ACSM5: variants seen among roughly 807,000 people sequenced by gnomAD.
ACSM5 encodes acyl-coenzyme A synthetase ACSM5, mitochondrial.
A neutral mutation model predicts 71.6 loss-of-function variants in ACSM5; 56 were observed. The ratio of observed to expected loss-of-function variants is 0.78; its 90% confidence interval spans 0.63 to 0.98. The LOEUF (loss-of-function observed/expected upper bound fraction) is 0.98, where lower values mean the gene tolerates loss of function less well. ACSM5 is among the 50% of genes least tolerant of loss of function. The pLI, the probability that ACSM5 is intolerant of heterozygous loss-of-function variation, is 0.00. For missense variants in ACSM5, 723 were observed against 726.0 expected (o/e 1.00, Z 0.05); for synonymous variants, 285 against 281.5 (o/e 1.01, Z -0.12).
chr16:20,424,052 G>A lies in ACSM5; in HGVS notation c.904G>A (p.Ala302Thr). The change falls in exon 6 of 14, where the codon GCC (alanine) becomes ACC (threonine). Residue 302 changes from alanine to threonine, a missense_variant. Transcript: ENST00000331849. ...IFVHELPRVD[A>T]KVILNTLSKF... ...TGTGCATGAGCTGCCCCGAGTTGAT[G>A]CCAAAGTTATCCTGAATGTAAGAGG... 1.2e-6 allele frequency: 2 copies of A among 1,614,054 alleles called. No individual in the cohort carries two copies. Among genetic ancestry groups the A allele is most frequent in the Non-Finnish European group, 1.7e-6 (2 of 1,179,986 alleles).
rs1967315020 is a variant in ACSM5, at chr16:20,440,820, T to G, written c.*393T>G. On this transcript the variant is annotated 3_prime_UTR_variant, in exon 14 of 14. Transcript: ENST00000331849. ...AGGCTTCATCCTTTGTATGTAACCA[T>G]TTGGCAAAAGTATGCAGGAACATAA... The G allele has an allele frequency of 6.1e-6, 1 of 163,476 alleles. No homozygotes were observed. The highest frequency in any genetic ancestry group is 2.4e-5 in the African/African-American group (1 of 41,880). 10.1% of individuals were successfully genotyped at this position (163,476 alleles called of 1,614,324 possible).
chr16:20,412,687 C>T (rs975744639), intron 2 of ACSM5, among the ~76,000 whole-genome samples: 14 of 152,190 alleles, frequency 9.2e-5, no homozygotes, highest in South Asian at 8.3e-4. Flanking sequence ...AAAACAATTA[C>T]GGACAAATGT....
chr16:20,426,905 G>C (rs2141652879), intron 6 of ACSM5, among the ~76,000 whole-genome samples: 1 of 152,116 alleles, frequency 6.6e-6, no homozygotes, highest in East Asian at 1.9e-4. Flanking sequence ...CGTTCCAATG[G>C]GCAAATCCTA....
chr16:20,427,025 G>A (rs139506131), intron 6 of ACSM5, among the ~76,000 whole-genome samples: 12,464 of 126,360 alleles, frequency 0.099, 637 homozygotes, highest in Middle Eastern at 0.18. Context: ...ACTGGTGGCC[G>A]GGCACAGTGG....
chr16:20,433,622 A>C (rs1438698044), intron 10 of ACSM5, among the ~76,000 whole-genome samples: 2 of 152,182 alleles, frequency 1.3e-5, no homozygotes, highest in Non-Finnish European at 1.5e-5. Flanking sequence ...AGAATCCAGG[A>C]ATTTGTTCAA....
chr16:20,436,185 TTCTC>T (rs1380270897), intron 10 of ACSM5, among the ~76,000 whole-genome samples: 3 of 142,442 alleles, frequency 2.1e-5, no homozygotes, highest in Admixed American at 7.0e-5. Flanking sequence ...CTCCCTTTTC[TTCTC>T]TCTTTCTTTT....
intron 5 of ACSM5, among the ~76,000 whole-genome samples, chr16:20,423,628 G>A (rs1164255016): frequency 1.3e-5 from 2 of 152,368 alleles, no homozygotes; most frequent in Non-Finnish European, 2.9e-5. Context: ...GCTAAATAAA[G>A]TGACCTTAGC....
intron 11 of ACSM5, 39 bp downstream of exon 11, chr16:20,437,218 C>T: frequency 6.2e-7 from 1 of 1,614,104 alleles, no homozygotes; most frequent in Non-Finnish European, 8.5e-7. Context: ...TTTGAAATTT[C>T]ATGGGGGTTG....
chr16:20,409,911 G>A (rs1316742732), intron 1 of ACSM5, among the ~76,000 whole-genome samples: 2 of 111,708 alleles, frequency 1.8e-5, no homozygotes, highest in African/African-American at 4.7e-5. Context: ...GGTGAGGGGC[G>A]GGAGAGGTGA....
chr16:20,438,954 TAAAAAAAAAAAAAA>T (rs1275195181), intron 12 of ACSM5, among the ~76,000 whole-genome samples: 1 of 92,724 alleles, frequency 1.1e-5, no homozygotes, highest in Non-Finnish European at 2.0e-5. Context: ...GACTCTGTCT[TAAAAAAAAAAAAAA>T]AAAAAAAAAA....
In ACSM5 at chr16:20,418,094, G is replaced by T; in HGVS notation, c.240G>T (p.Trp80Cys). ...GCCCCCCAAATCCTGCCTTCTGGTG[G>T]GTCAATGGCACAGGAGCAGAGATCA... Reference protein sequence around the residue: ...GHRPPNPAFWWVNGTGAEIKW... With the variant: ...GHRPPNPAFWCVNGTGAEIKW... Residue 80 changes from tryptophan (W) to cysteine (C), a missense_variant, in exon 3 of 14, where the codon TGG (tryptophan) becomes TGT (cysteine). By Grantham distance (215) the Trp-to-Cys change is radical. Transcript: ENST00000331849. 6.2e-7 allele frequency: 1 copy of T among 1,613,788 alleles called. No individual in the cohort carries two copies. The highest frequency in any genetic ancestry group is 1.3e-5 in the African/African-American group (1 of 75,004).
chr16:20,440,134 A>G (rs1967295678), intron 13 of ACSM5: 1 of 684,122 alleles, frequency 1.5e-6, no homozygotes, highest in African/African-American at 1.8e-5. Context: ...GATCCCTACC[A>G]CAAATCAGAT....
intron 1 of ACSM5, 27 bp downstream of exon 1, chr16:20,409,692 G>A (rs957027280): frequency 6.6e-6 from 1 of 152,140 alleles, no homozygotes; most frequent in Non-Finnish European, 1.5e-5. Flanking sequence ...TTTTTCAGAC[G>A]AAGGTATCAG....
chr16:20,425,037 GT>G (rs1966951455), intron 6 of ACSM5, among the ~76,000 whole-genome samples: 1 of 152,256 alleles, frequency 6.6e-6, no homozygotes, highest in African/African-American at 2.4e-5. Flanking sequence ...GTACAATTAA[GT>G]TTTTATTGAC....
Position 20,424,087 on chromosome 16 carries a change from C to T in ACSM5, c.921+18C>T, listed in dbSNP as rs760777741. The T allele has an allele frequency of 3.1e-6, 5 of 1,613,410 alleles. No individual in the cohort carries two copies. The highest frequency in any genetic ancestry group is 3.3e-5 in the Admixed American group (2 of 59,970). On this transcript the variant is annotated intron_variant, in intron 6 of 13. Coordinates refer to ENST00000331849, the MANE Select transcript of ACSM5 (RefSeq NM_017888.3). ...TCCTGAATGTAAGAGGAAAAACCAACAATACCCCATATGTGTTGGGTACAA... is the reference window on the plus strand; with the variant it reads ...TCCTGAATGTAAGAGGAAAAACCAATAATACCCCATATGTGTTGGGTACAA...
chr16:20,424,143 G>A, intron 6 of ACSM5, 74 bp downstream of exon 6: 4 of 1,549,714 alleles, frequency 2.6e-6, no homozygotes, highest in Non-Finnish European at 2.6e-6. Context: ...ATTTCAGACT[G>A]CAGGAGAAAA....
chr16:20,430,616 G>GA (rs1478403085), intron 8 of ACSM5, among the ~76,000 whole-genome samples: 4 of 150,528 alleles, frequency 2.7e-5, no homozygotes, highest in South Asian at 2.1e-4. Context: ...AGGAAAGGAA[G>GA]GGAAAAAGAT....
chr16:20,424,542 C>T (rs980609611), intron 6 of ACSM5, among the ~76,000 whole-genome samples: 19 of 141,814 alleles, frequency 1.3e-4, no homozygotes, highest in African/African-American at 5.9e-4. Context: ...ACCTTTCTTC[C>T]ACCCCCCACA....
chr16:20,414,322 A>ATC (rs1319727000), intron 2 of ACSM5, among the ~76,000 whole-genome samples: 1 of 152,186 alleles, frequency 6.6e-6, no homozygotes, highest in African/African-American at 2.4e-5. Flanking sequence ...GCCTAATATA[A>ATC]TCATAAGGTA....
Sources: allele counts gnomAD v4.1 joint callset (sites outside exome capture counted in the v4.1 genomes callset), GRCh38; gene constraint gnomAD v4.1.1; transcripts MANE v1.5; gene names NCBI Gene and HGNC (gene_info 2026-07-23, HGNC 2026-07-21).